The following DOCK7 variants were observed in gnomAD, a reference collection of about 807,000 sequenced individuals.
DOCK7 encodes dedicator of cytokinesis 7, also known as dedicator of cytokinesis protein 7.
In DOCK7, 138 loss-of-function variants were observed where a neutral mutation model predicts 271.0. The observed-to-expected ratio is 0.51, with a 90% CI of 0.44 to 0.59. DOCK7 has a LOEUF of 0.59. Among genes scored for constraint, DOCK7 ranks in the 20% least tolerant of loss-of-function variants. DOCK7 has a pLI of 0.00. For missense variants in DOCK7, 2,066 were observed against 2,592.4 expected, an observed-to-expected ratio of 0.80 and a Z score of 4.41; for synonymous variants, 823 against 876.1, an observed-to-expected ratio of 0.94 and a Z score of 1.07.
At chr1:62,573,556 A>G (rs1646851413) in intron 18 of DOCK7, among the ~76,000 whole-genome samples, 1 of 152,236 alleles carries the variant, frequency 6.6e-6, no homozygotes, top group African/African-American at 2.4e-5. Flanking sequence ...CATATAGCAG[A>G]AACACTAAAT....
chr1:62,480,780 G>C (rs188887030), intron 43 of DOCK7, among the ~76,000 whole-genome samples: 326 of 152,082 alleles, frequency 2.1e-3, no homozygotes, highest in African/African-American at 7.6e-3. Context: ...AGGCCAAGGC[G>C]GGGGGGATCA....
chr1:62,634,716 G>A, intron 9 of DOCK7, 57 bp downstream of exon 9: 1 of 1,507,198 alleles, frequency 6.6e-7, no homozygotes, highest in South Asian at 1.3e-5. Flanking sequence ...TTATAATACT[G>A]ACAGACAAGT....
intron 48 of DOCK7, chr1:62,459,329 C>T (rs1407701012): frequency 6.6e-6 from 1 of 151,686 alleles, no homozygotes; most frequent in Non-Finnish European, 1.5e-5. Context: ...CCAACCTCCG[C>T]CTCCTGGGTT....
intron 39 of DOCK7, 51 bp downstream of exon 39, chr1:62,495,530 T>C (rs1477227702): frequency 1.7e-6 from 2 of 1,186,892 alleles, no homozygotes; most frequent in Non-Finnish European, 1.2e-6. Flanking sequence ...GCTTACTGTA[T>C]GTCTTACTAA....
Position 62,597,651 on chromosome 1 carries a change from C to T in DOCK7, c.1683-11027G>A, listed in dbSNP as rs781736614. ...TCAAGACAATTCATCATTTGATTCT[C>T]TATCTCCAGAGCCAAAATCAAGATT... is the stretch of plus-strand genomic sequence containing the variant. On this transcript the variant is annotated intron_variant, in intron 14 of 49. Transcript: ENST00000635253. The T allele has an allele frequency of 5.0e-6, 8 of 1,613,272 alleles. No individual in the cohort carries two copies. The highest frequency in any genetic ancestry group is 6.8e-6 in the Non-Finnish European group (8 of 1,179,628).
chr1:62,585,870 G>T (rs1014097014), intron 15 of DOCK7, among the ~76,000 whole-genome samples: 1 of 152,034 alleles, frequency 6.6e-6, no homozygotes, highest in Non-Finnish European at 1.5e-5. Flanking sequence ...GTAATCCCTG[G>T]TGAGACTTAA....
chr1:62,542,241 T>C (rs963358860), intron 25 of DOCK7, among the ~76,000 whole-genome samples: 1 of 152,072 alleles, frequency 6.6e-6, no homozygotes, highest in Non-Finnish European at 1.5e-5. Flanking sequence ...GCCATAACAA[T>C]AGCAGTGGGT....
chr1:62,683,178 A>T (rs1661360599), intron 1 of DOCK7, among the ~76,000 whole-genome samples: 1 of 152,232 alleles, frequency 6.6e-6, no homozygotes. Context: ...TCTCTCTTTA[A>T]CACTATTTTG....
At chr1:62,567,879 T>C (rs2149457874) in intron 18 of DOCK7, among the ~76,000 whole-genome samples, 1 of 152,140 alleles carries the variant, frequency 6.6e-6, no homozygotes, top group East Asian at 1.9e-4. Context: ...AAAATAACAG[T>C]TCTCTTCAGT....
At chr1:62,543,435 T>C (rs567602709) in intron 24 of DOCK7, 7 of 332,520 alleles carry the variant, frequency 2.1e-5, no homozygotes, top group African/African-American at 1.5e-4. Context: ...ATCCTAAAAA[T>C]AGTCAATCCC....
chr1:62,556,856 G>T (rs1403362378), intron 20 of DOCK7, among the ~76,000 whole-genome samples: 2 of 152,114 alleles, frequency 1.3e-5, no homozygotes, highest in Admixed American at 1.3e-4. Flanking sequence ...AGGGGAAAGA[G>T]ACCAGAGACA....
chr1:62,497,171 C>T (rs1646647126), intron 37 of DOCK7, among the ~76,000 whole-genome samples: 1 of 152,118 alleles, frequency 6.6e-6, no homozygotes, highest in African/African-American at 2.4e-5. Flanking sequence ...TTCAGTGGCA[C>T]CACTTTATCC....
At chr1:62,632,508 C>T (rs1487026764) in intron 10 of DOCK7, among the ~76,000 whole-genome samples, 1 of 152,136 alleles carries the variant, frequency 6.6e-6, no homozygotes, top group East Asian at 1.9e-4. Context: ...AAAACATTTT[C>T]TGGGTTTGGG....
At chr1:62,654,402 CA>C (rs1657738631) in intron 2 of DOCK7, among the ~76,000 whole-genome samples, 2 of 151,984 alleles carry the variant, frequency 1.3e-5, no homozygotes, top group Non-Finnish European at 2.9e-5. Flanking sequence ...AGAACTCTCA[CA>C]TAAAAACACT....
In DOCK7 at chr1:62,468,082, C is replaced by T. The variant is rs531652023; in HGVS notation, c.6212+5900G>A. Among the ~76,000 whole-genome samples, 19 of 152,200 alleles carry T rather than the reference C, an allele frequency of 1.2e-4. No homozygotes were observed. In the East Asian group the frequency reaches 1.5e-3, roughly 12 times the overall value. On this transcript the variant is annotated intron_variant, in intron 48 of 49. Coordinates refer to ENST00000635253, the MANE Select transcript of DOCK7 (RefSeq NM_001367561.1). ...CCTTGATGATTAAAAGCATCAAGGC[C>T]GGGCGCGGTGGCTCACGCCTGTAAT...
chr1:62,457,759 T>C, intron 48 of DOCK7, 54 bp from the exon 49 acceptor site: 1 of 1,559,570 alleles, frequency 6.4e-7, no homozygotes, highest in Non-Finnish European at 8.7e-7. Context: ...TTTGTGGGTT[T>C]AATGCCATAC....
intron 14 of DOCK7, chr1:62,597,634 A>AT: frequency 6.2e-7 from 1 of 1,613,224 alleles, no homozygotes; most frequent in Non-Finnish European, 8.5e-7. Flanking sequence ...GATCAAGACA[A>AT]TTCATCATTT....
intron 14 of DOCK7, chr1:62,601,880 C>A: frequency 6.9e-6 from 11 of 1,593,702 alleles, no homozygotes; most frequent in Non-Finnish European, 9.5e-6. Context: ...GATGTTATAT[C>A]AGGTAAAACC....
At chr1:62,574,705 A>C (rs1185551630) in intron 18 of DOCK7, among the ~76,000 whole-genome samples, 2 of 152,106 alleles carry the variant, frequency 1.3e-5, no homozygotes, top group African/African-American at 4.8e-5. Flanking sequence ...ACGAATAAAG[A>C]TTGGCACCAC....
Sources: allele counts gnomAD v4.1 joint callset (sites outside exome capture counted in the v4.1 genomes callset), GRCh38; gene constraint gnomAD v4.1.1; transcripts MANE v1.5; gene names NCBI Gene and HGNC (gene_info 2026-07-23, HGNC 2026-07-21).